ZNF804B: variants seen among roughly 807,000 people sequenced by gnomAD.
ZNF804B encodes the protein zinc finger protein 804B, also known as zinc finger 804B.
In ZNF804B, 80 loss-of-function variants were observed where a neutral mutation model predicts 101.4. That is an observed-to-expected ratio of 0.79 (90% CI 0.66 to 0.95). The LOEUF (loss-of-function observed/expected upper bound fraction) is 0.95, where lower values mean the gene tolerates loss of function less well. Among genes scored for constraint, ZNF804B ranks in the 40% least tolerant of loss-of-function variants. The probability of loss-of-function intolerance (pLI) is 0.00; values close to 1 mark genes in which losing one functional copy is unlikely to be tolerated. For missense variants in ZNF804B, 1,673 were observed against 1,561.9 expected, an observed-to-expected ratio of 1.07 and a Z score of -1.20; for synonymous variants, 622 against 558.8, an observed-to-expected ratio of 1.11 and a Z score of -1.59.
At chr7:89,176,987 C>T (rs1325446706) in intron 1 of ZNF804B, among the ~76,000 whole-genome samples, 2 of 151,984 alleles carry the variant, frequency 1.3e-5, no homozygotes, top group East Asian at 3.9e-4. Context: ...GTAATATCTC[C>T]TTTTTCCTGT....
chr7:88,855,506 C>T (rs972144199), intron 1 of ZNF804B, among the ~76,000 whole-genome samples: 14 of 151,936 alleles, frequency 9.2e-5, no homozygotes, highest in African/African-American at 3.4e-4. Context: ...GGATATTAGC[C>T]CTTTGTCAGA....
At position 89,335,722 on chromosome 7, in the gene ZNF804B, A is replaced by C. The variant is rs59859857; in HGVS notation, c.2740A>C (p.Asn914His). 4,950 of 1,614,044 alleles carry C rather than the reference A, an allele frequency of 3.1e-3. 114 individuals carry two copies. The African/African-American group carries it at 0.054, about 18-fold the overall frequency. The change falls in exon 4 of 4, where the codon AAC becomes CAC. Residue 914 changes from asparagine (N) to histidine (H), a missense_variant. Asn to His is a moderately conservative substitution (Grantham distance 68). Coordinates refer to ENST00000333190, the MANE Select transcript of ZNF804B (RefSeq NM_181646.5). ...SSGPSETTES[N>H]TAEGERTPLT... ...TGGCCCTTCAGAAACCACAGAATCA[A>C]ACACTGCAGAAGGAGAGAGGACCCC...
At chr7:88,875,358 C>A (rs535295498) in intron 1 of ZNF804B, among the ~76,000 whole-genome samples, 36 of 152,022 alleles carry the variant, frequency 2.4e-4, no homozygotes, top group East Asian at 9.7e-4. Context: ...TCAAAAAATT[C>A]ATGAATCCAG....
intron 1 of ZNF804B, among the ~76,000 whole-genome samples, chr7:89,067,890 G>T (rs1007057888): frequency 5.5e-5 from 8 of 145,696 alleles, no homozygotes; most frequent in African/African-American, 2.1e-4. Context: ...CTCACTGCAA[G>T]CTCCACCTCC....
chr7:89,266,305 C>T (rs1789795134), intron 2 of ZNF804B, among the ~76,000 whole-genome samples: 1 of 152,032 alleles, frequency 6.6e-6, no homozygotes, highest in Admixed American at 6.6e-5. Context: ...GAAAAAAGAA[C>T]CATTCTTCAT....
chr7:89,241,576 C>G (rs1470583958), intron 2 of ZNF804B, among the ~76,000 whole-genome samples: 1 of 152,064 alleles, frequency 6.6e-6, no homozygotes, highest in African/African-American at 2.4e-5. Context: ...ACTATTGTAC[C>G]TAGTTAAAAT....
At chr7:88,961,432 T>C (rs950017783) in intron 1 of ZNF804B, among the ~76,000 whole-genome samples, 5 of 151,458 alleles carry the variant, frequency 3.3e-5, no homozygotes, top group African/African-American at 7.3e-5. Flanking sequence ...GATTGATTGC[T>C]GTCCTGCACT....
intron 1 of ZNF804B, among the ~76,000 whole-genome samples, chr7:88,998,630 G>T (rs1332811886): frequency 6.6e-6 from 1 of 151,984 alleles, no homozygotes; most frequent in Non-Finnish European, 1.5e-5. Context: ...CTGCAAATCT[G>T]ATTTTAAGAA....
intron 1 of ZNF804B, among the ~76,000 whole-genome samples, chr7:89,086,750 GC>G (rs949963524): frequency 6.6e-6 from 1 of 151,898 alleles, no homozygotes; most frequent in African/African-American, 2.4e-5. Flanking sequence ...TTCAGAGTTT[GC>G]TAAAGTGAGA....
intron 1 of ZNF804B, among the ~76,000 whole-genome samples, chr7:89,018,367 A>G (rs1273931874): frequency 2.6e-5 from 4 of 152,066 alleles, no homozygotes; most frequent in Non-Finnish European, 4.4e-5. Flanking sequence ...AAATCTCACT[A>G]GATCATGGTT....
At chr7:89,125,081 A>G (rs767786579) in intron 1 of ZNF804B, among the ~76,000 whole-genome samples, 2 of 151,580 alleles carry the variant, frequency 1.3e-5, no homozygotes, top group Non-Finnish European at 2.9e-5. Context: ...TTGGTGTGTC[A>G]ATATGACAGA....
chr7:88,812,568 T>G (rs961383660), intron 1 of ZNF804B, among the ~76,000 whole-genome samples: 1 of 152,214 alleles, frequency 6.6e-6, no homozygotes, highest in African/African-American at 2.4e-5. Context: ...CCCACCCATG[T>G]TTATACCAGC....
chr7:89,196,549 TC>T (rs1313143399), intron 1 of ZNF804B, among the ~76,000 whole-genome samples: 21 of 150,992 alleles, frequency 1.4e-4, no homozygotes, highest in East Asian at 3.9e-4. Context: ...GGCAATAACA[TC>T]TGACATAGGC....
chr7:89,103,684 AC>A, intron 1 of ZNF804B, among the ~76,000 whole-genome samples: 1 of 151,852 alleles, frequency 6.6e-6, no homozygotes, highest in Non-Finnish European at 1.5e-5. Flanking sequence ...TGAATAGAGA[AC>A]TTTGACTTCC....
At position 89,334,832 on chromosome 7, in the gene ZNF804B, T is replaced by C; in HGVS notation, c.1850T>C (p.Val617Ala). ...RAHWQGCRKA[V>A]LNDIDEDLSF... ...CATTGGCAAGGCTGCAGAAAGGCAGTTCTAAATGATATAGATGAGGACCTA... is the reference window on the plus strand; with the variant it reads ...CATTGGCAAGGCTGCAGAAAGGCAGCTCTAAATGATATAGATGAGGACCTA... The change falls in exon 4 of 4, where the codon GTT becomes GCT. Residue 617 changes from valine to alanine, a missense_variant. Val to Ala is a moderately conservative substitution (Grantham distance 64). Transcript: ENST00000333190. 1.2e-6 allele frequency: 2 copies of C among 1,613,808 alleles called. No individual in the cohort carries two copies. Among genetic ancestry groups the C allele is most frequent in the Non-Finnish European group, 1.7e-6 (2 of 1,179,870 alleles).
At chr7:88,838,037 TA>T (rs1392293682) in intron 1 of ZNF804B, among the ~76,000 whole-genome samples, 4 of 151,774 alleles carry the variant, frequency 2.6e-5, no homozygotes, top group Non-Finnish European at 4.4e-5. Context: ...ATAACTGACT[TA>T]AAAAAATCTT....
intron 1 of ZNF804B, among the ~76,000 whole-genome samples, chr7:89,179,501 A>G (rs543861237): frequency 6.6e-6 from 1 of 152,242 alleles, no homozygotes; most frequent in South Asian, 2.1e-4. Context: ...AAGTATTTAA[A>G]TCTTTCTGTT....
Position 89,337,014 on chromosome 7 carries a change from GT to G in ZNF804B, c.4033del (p.Ser1345ProfsTer4). The G allele has an allele frequency of 6.2e-7, 1 of 1,613,652 alleles. No homozygotes were observed. Among genetic ancestry groups the G allele is most frequent in the East Asian group, 2.2e-5 (1 of 44,862 alleles). On this transcript the variant is annotated frameshift_variant, in exon 4 of 4. Coordinates refer to ENST00000333190, the MANE Select transcript of ZNF804B (RefSeq NM_181646.5). LOFTEE classifies it high-confidence loss of function. Reference protein sequence around the residue: ...LNEVKEALNVSTHLN With the variant: ...LNEVKEALNVXTHLN ...ATGAAGTGAAAGAGGCCTTAAATGT[GT>G]CCACACACTTGAACTAATAAGTGTT...
chr7:88,807,193 C>T (rs1024627391), intron 1 of ZNF804B, among the ~76,000 whole-genome samples: 2 of 152,094 alleles, frequency 1.3e-5, no homozygotes, highest in African/African-American at 4.8e-5. Flanking sequence ...ACTTTTAAAA[C>T]ATTAGTTTCA....
Sources: allele counts gnomAD v4.1 joint callset (sites outside exome capture counted in the v4.1 genomes callset), GRCh38; gene constraint gnomAD v4.1.1; transcripts MANE v1.5; gene names NCBI Gene and HGNC (gene_info 2026-07-23, HGNC 2026-07-21).